The following ZNF407 variants were observed in gnomAD, a reference collection of about 807,000 sequenced individuals.
ZNF407 encodes zinc finger protein 407.
A neutral mutation model predicts 131.2 loss-of-function variants in ZNF407; 17 were observed. That is an observed-to-expected ratio of 0.13 (90% CI 0.09 to 0.19). The LOEUF is 0.19. Ranked by LOEUF, ZNF407 falls within the 10% of genes least tolerant of loss-of-function variation. The pLI, the probability that ZNF407 is intolerant of heterozygous loss-of-function variation, is 1.00. For synonymous variants in ZNF407, 1,156 were observed against 1,062.0 expected, an observed-to-expected ratio of 1.09 and a Z score of -1.72; for missense variants, 2,681 against 2,830.6, an observed-to-expected ratio of 0.95 and a Z score of 1.20.
intron 8 of ZNF407, among the ~76,000 whole-genome samples, chr18:74,965,972 G>A (rs1168296871): frequency 1.3e-5 from 2 of 152,184 alleles, no homozygotes; most frequent in South Asian, 4.1e-4. Flanking sequence ...TTTGAGAAAT[G>A]TCTATTCAAA....
chr18:75,063,010 A>T lies in ZNF407; in HGVS notation c.5429-140A>T. The T allele has an allele frequency of 1.3e-6, 1 of 759,036 alleles. No homozygotes were observed. Among genetic ancestry groups the T allele is most frequent in the Non-Finnish European group, 2.1e-6 (1 of 473,902 alleles). 47.0% of individuals were successfully genotyped at this position (759,036 alleles called of 1,614,324 possible). Reference sequence around the variant, plus strand: ...GGCCTCTGGCCCTGCTGAAGCTTGCACTGTAGAGAGCTCTTCAGGGTTTGG... The same window carrying T: ...GGCCTCTGGCCCTGCTGAAGCTTGCTCTGTAGAGAGCTCTTCAGGGTTTGG... On this transcript the variant is annotated intron_variant, in intron 8 of 8. Transcript: ENST00000299687. The surrounding 1 kb of genome is among the most constrained non-coding windows in gnomAD (Gnocchi z 6.6).
At chr18:74,969,721 G>C (rs573957090) in intron 8 of ZNF407, among the ~76,000 whole-genome samples, 1 of 152,326 alleles carries the variant, frequency 6.6e-6, no homozygotes, top group South Asian at 2.1e-4. Context: ...AGGCTAGGCT[G>C]CTTGTGGTAA....
At chr18:74,929,489 T>C (rs1971956862) in intron 8 of ZNF407, among the ~76,000 whole-genome samples, 1 of 152,250 alleles carries the variant, frequency 6.6e-6, no homozygotes, top group Admixed American at 6.5e-5. Flanking sequence ...TGAAAAGTTA[T>C]AGTGGGGACG....
chr18:74,844,270 T>C (rs992559512), intron 4 of ZNF407, among the ~76,000 whole-genome samples: 17 of 152,186 alleles, frequency 1.1e-4, no homozygotes, highest in African/African-American at 4.1e-4. Flanking sequence ...GTTTCCGCAG[T>C]TGGACGGTGA....
chr18:74,951,920 C>T (rs1035001056), intron 8 of ZNF407, among the ~76,000 whole-genome samples: 4 of 151,232 alleles, frequency 2.6e-5, no homozygotes, highest in Non-Finnish European at 5.9e-5. Flanking sequence ...TTCTAGGAAA[C>T]TTCTGATCGT....
chr18:75,058,616 C>T (rs1289423532), intron 8 of ZNF407, among the ~76,000 whole-genome samples: 2 of 152,126 alleles, frequency 1.3e-5, no homozygotes, highest in South Asian at 2.1e-4. Flanking sequence ...AGGCTTTGTG[C>T]GATTTTGGAC....
chr18:74,865,510 CCAGT>C (rs1970998533), intron 4 of ZNF407, among the ~76,000 whole-genome samples: 1 of 152,124 alleles, frequency 6.6e-6, no homozygotes, highest in Non-Finnish European at 1.5e-5. Flanking sequence ...CTACATCCTT[CCAGT>C]CAGTTTTGAT....
At chr18:75,017,044 A>T (rs572184447) in intron 8 of ZNF407, among the ~76,000 whole-genome samples, 1 of 152,228 alleles carries the variant, frequency 6.6e-6, no homozygotes, top group African/African-American at 2.4e-5. Flanking sequence ...TGGCAGTGGG[A>T]ATCAATTCAG....
chr18:74,744,369 T>C (rs1478684362), intron 3 of ZNF407, among the ~76,000 whole-genome samples: 4 of 152,190 alleles, frequency 2.6e-5, no homozygotes, highest in Non-Finnish European at 5.9e-5. Flanking sequence ...CTTTTCTTTG[T>C]GCTAGCCTGG....
At chr18:74,623,000 CTGTT>C (rs1168058806) in intron 1 of ZNF407, among the ~76,000 whole-genome samples, 5 of 148,100 alleles carry the variant, frequency 3.4e-5, no homozygotes, top group Non-Finnish European at 6.0e-5. Context: ...GTCCGTGTGT[CTGTT>C]AGTCTGAATG....
At chr18:75,056,904 A>G (rs574817291) in intron 8 of ZNF407, among the ~76,000 whole-genome samples, 3 of 152,338 alleles carry the variant, frequency 2.0e-5, no homozygotes, top group Admixed American at 6.5e-5. Context: ...ATTTATTAGC[A>G]TAATCTGTTA....
chr18:74,964,580 G>GTTTTTTTTTT (rs35373107), intron 8 of ZNF407, among the ~76,000 whole-genome samples: 2 of 118,616 alleles, frequency 1.7e-5, no homozygotes, highest in Admixed American at 9.0e-5. Flanking sequence ...TATCATCCGG[G>GTTTTTTTTTT]TTTTTTTTTT....
intron 8 of ZNF407, among the ~76,000 whole-genome samples, chr18:75,034,492 C>G (rs11660863): frequency 0.13 from 20,052 of 151,340 alleles, 1,371 homozygotes; most frequent in South Asian, 0.21. Context: ...TTAGTGGAGA[C>G]GGGGTTTCAC....
In ZNF407 at chr18:74,707,570, G is replaced by A. The variant is rs1967655677; in HGVS notation, c.4802+66448G>A. On this transcript the variant is annotated intron_variant, in intron 3 of 8. Transcript: ENST00000299687. ...TGCTCCAAAAGTTTCGGATTTCGTA[G>A]CATTTTGGATTTCAGATTTTTGGAT... is the stretch of plus-strand genomic sequence containing the variant. 2.0e-5 allele frequency among the ~76,000 whole-genome samples: 3 copies of A among 152,126 alleles called. No homozygotes were observed. In the South Asian group the frequency reaches 6.2e-4, roughly 32 times the overall value.
At chr18:74,836,683 C>G (rs190540374) in intron 4 of ZNF407, among the ~76,000 whole-genome samples, 16 of 152,310 alleles carry the variant, frequency 1.1e-4, no homozygotes, top group African/African-American at 3.1e-4. Context: ...GTAAAGGTAA[C>G]TATCATTGCT....
Position 74,631,487 on chromosome 18 carries a change from A to G in ZNF407, c.468A>G (p.Glu156=). Residue 156 remains glutamate, a synonymous_variant, in exon 2 of 9, where the codon GAA becomes GAG. Coordinates refer to ENST00000299687, the MANE Select transcript of ZNF407 (RefSeq NM_017757.3). ...KTDTEKTSAQ[E]MVSLDLERES... ...ACACTGAAAAAACATCTGCTCAGGA[A>G]ATGGTTTCCCTTGATCTGGAAAGAG... 3.1e-6 allele frequency: 5 copies of G among 1,613,970 alleles called. No individual in the cohort carries two copies. In the South Asian group the frequency reaches 4.4e-5, roughly 14 times the overall value.
chr18:74,916,247 TTG>T (rs1971759113), intron 7 of ZNF407, among the ~76,000 whole-genome samples: 1 of 108,434 alleles, frequency 9.2e-6, no homozygotes, highest in African/African-American at 4.6e-5. Context: ...TATGGTGAAG[TTG>T]TGTGAAGCAT....
chr18:74,749,330 C>T (rs770606571), intron 3 of ZNF407, among the ~76,000 whole-genome samples: 2 of 152,148 alleles, frequency 1.3e-5, no homozygotes, highest in Non-Finnish European at 2.9e-5. Flanking sequence ...TTCTTCACAT[C>T]CCCCAGCCTT....
At chr18:74,766,929 T>C (rs946544565) in intron 3 of ZNF407, among the ~76,000 whole-genome samples, 3 of 152,210 alleles carry the variant, frequency 2.0e-5, no homozygotes, top group African/African-American at 7.2e-5. Context: ...CATTTTCTTT[T>C]GAGATAGAGT....
Sources: gnomAD v4.1 joint callset for allele counts (sites outside exome capture counted in the v4.1 genomes callset) on GRCh38, gnomAD v4.1.1 for gene constraint, Gnocchi (gnomAD v3.1) non-coding constraint, MANE v1.5 for transcripts, NCBI Gene and HGNC (gene_info 2026-07-23, HGNC 2026-07-21) for gene names.